The following CNTRL variants were observed in gnomAD, a reference collection of about 807,000 sequenced individuals.
CNTRL encodes the protein centriolin, also known as 110 kDa centrosomal protein.
Under a neutral mutation model 303.7 loss-of-function variants are expected in CNTRL, and 233 were observed. That is an observed-to-expected ratio of 0.77 (90% CI 0.69 to 0.86). The LOEUF (loss-of-function observed/expected upper bound fraction) is 0.86. Among genes scored for constraint, CNTRL ranks in the 40% least tolerant of loss-of-function variants. CNTRL has a pLI of 0.00. For synonymous variants in CNTRL, 900 were observed against 922.2 expected, an observed-to-expected ratio of 0.98 and a Z score of 0.44; for missense variants, 2,524 against 2,650.6, an observed-to-expected ratio of 0.95 and a Z score of 1.05.
intron 11 of CNTRL, among the ~76,000 whole-genome samples, chr9:121,117,122 T>C (rs892373941): frequency 1.3e-5 from 2 of 152,228 alleles, no homozygotes; most frequent in Non-Finnish European, 2.9e-5. Context: ...TTGTTTATAC[T>C]GTTCACTTAC....
chr9:121,153,073 A>G (rs916216395), intron 26 of CNTRL, among the ~76,000 whole-genome samples: 7 of 152,152 alleles, frequency 4.6e-5, no homozygotes, highest in Non-Finnish European at 7.3e-5. Context: ...CTGTGCTTCC[A>G]GTTGGTCTCT....
intron 34 of CNTRL, among the ~76,000 whole-genome samples, chr9:121,163,319 CAA>C (rs56957428): frequency 4.2e-5 from 6 of 143,130 alleles, no homozygotes; most frequent in Non-Finnish European, 7.5e-5. Context: ...GACCCTGTTT[CAA>C]AAAAAAAATA....
At chr9:121,167,455 T>C (rs2053141019) in intron 36 of CNTRL, 34 bp from the exon 37 acceptor site, 3 of 1,586,594 alleles carry the variant, frequency 1.9e-6, no homozygotes, top group African/African-American at 1.4e-5. Flanking sequence ...AAGATGGCTT[T>C]ATTAGTAGTT....
intron 27 of CNTRL, among the ~76,000 whole-genome samples, chr9:121,156,621 G>C (rs927229920): frequency 5.9e-5 from 9 of 152,102 alleles, no homozygotes; most frequent in African/African-American, 2.2e-4. Flanking sequence ...TTAGTACAAT[G>C]GCAGACTTCA....
chr9:121,079,494 G>A (rs2048056237), intron 1 of CNTRL, among the ~76,000 whole-genome samples: 3 of 152,124 alleles, frequency 2.0e-5, no homozygotes, highest in East Asian at 1.9e-4. Context: ...ATAGTGAAAC[G>A]CTGCCTCCAA....
chr9:121,113,713 AAAT>A lies in CNTRL; in HGVS notation c.1337_1339del (p.Ile446del). On this transcript the variant is annotated inframe_deletion, in exon 10 of 44. Transcript: ENST00000373855. ...ACGCAACTGGAAGACAAAGAAAAAA[AAAT>A]AAGTGCAGGTTAAAAAAAGTTATTT... The A allele has an allele frequency of 3.3e-6, 5 of 1,534,490 alleles. No homozygotes were observed. Among genetic ancestry groups the A allele is most frequent in the Non-Finnish European group, 4.4e-6 (5 of 1,147,898 alleles).
At chr9:121,154,215 ATG>A (rs2052440506) in intron 26 of CNTRL, among the ~76,000 whole-genome samples, 1 of 151,656 alleles carries the variant, frequency 6.6e-6, no homozygotes, top group African/African-American at 2.4e-5. Flanking sequence ...TAATTTCATC[ATG>A]TTAGCCTTAA....
At chr9:121,108,078 C>T in intron 8 of CNTRL, 83 bp downstream of exon 8, 1 of 873,440 alleles carries the variant, frequency 1.1e-6, no homozygotes, top group Non-Finnish European at 1.7e-6. Flanking sequence ...ATACAACTTC[C>T]TGACCATATA....
intron 1 of CNTRL, among the ~76,000 whole-genome samples, chr9:121,076,817 T>C (rs953667209): frequency 1.3e-5 from 2 of 151,804 alleles, no homozygotes; most frequent in Non-Finnish European, 2.9e-5. Flanking sequence ...AGGAGAAGAT[T>C]AAGGAGTAAA....
intron 1 of CNTRL, among the ~76,000 whole-genome samples, chr9:121,078,652 A>C (rs1330554789): frequency 6.6e-6 from 1 of 152,206 alleles, no homozygotes; most frequent in African/African-American, 2.4e-5. Context: ...TCTGATGCCA[A>C]CTGTAAGCCT....
intron 34 of CNTRL, among the ~76,000 whole-genome samples, chr9:121,163,826 A>G (rs1238522303): frequency 1.3e-5 from 2 of 152,058 alleles, no homozygotes; most frequent in Non-Finnish European, 2.9e-5. Flanking sequence ...CACACCTATT[A>G]GAACAACAGC....
intron 26 of CNTRL, among the ~76,000 whole-genome samples, chr9:121,153,613 C>G (rs2052406185): frequency 6.6e-6 from 1 of 152,248 alleles, no homozygotes; most frequent in Non-Finnish European, 1.5e-5. Context: ...AAGGCAGTAG[C>G]TGGACCTCCA....
At chr9:121,077,623 A>G (rs1389146739) in intron 1 of CNTRL, among the ~76,000 whole-genome samples, 1 of 152,182 alleles carries the variant, frequency 6.6e-6, no homozygotes, top group Admixed American at 6.5e-5. Context: ...TAGTCTGGTG[A>G]GACCTAAAGG....
chr9:121,116,385 TA>T (rs201376118), intron 11 of CNTRL, among the ~76,000 whole-genome samples: 46 of 151,362 alleles, frequency 3.0e-4, no homozygotes, highest in Admixed American at 1.1e-3. Flanking sequence ...TTTTTATTTT[TA>T]TTTTTTTGAG....
intron 30 of CNTRL, 59 bp from the exon 31 acceptor site, chr9:121,158,796 T>G: frequency 6.8e-7 from 1 of 1,480,478 alleles, no homozygotes; most frequent in Non-Finnish European, 9.3e-7. Context: ...TATCTCCAGG[T>G]TAGCACTGAG....
intron 8 of CNTRL, 94 bp downstream of exon 8, chr9:121,108,089 A>C: frequency 2.7e-6 from 2 of 739,486 alleles, no homozygotes; most frequent in Non-Finnish European, 4.2e-6. Flanking sequence ...TGACCATATA[A>C]TGGGGAAGAT....
rs770874109 is a variant in CNTRL, at chr9:121,144,075, G to A, written c.3044G>A (p.Arg1015Gln). ...HGTVMKINQE[R>Q]AEELQEAERF... Reference sequence around the variant, plus strand: ...ACTGTTATGAAAATTAACCAGGAGCGAGCAGAGGTGAGTTCACATGTACAG... The same window carrying A: ...ACTGTTATGAAAATTAACCAGGAGCAAGCAGAGGTGAGTTCACATGTACAG... Residue 1015 changes from arginine to glutamine, a missense_variant, in exon 20 of 44, where the codon CGA (arginine) becomes CAA (glutamine). Arg to Gln is a conservative substitution (Grantham distance 43). Coordinates refer to ENST00000373855, the MANE Select transcript of CNTRL (RefSeq NM_007018.6). 4.4e-5 allele frequency: 71 copies of A among 1,607,262 alleles called. No homozygotes were observed. In the East Asian group the frequency reaches 1.4e-3, roughly 31 times the overall value.
chr9:121,152,393 C>G, intron 25 of CNTRL, 92 bp from the exon 26 acceptor site: 1 of 1,078,558 alleles, frequency 9.3e-7, no homozygotes, highest in Non-Finnish European at 1.4e-6. Context: ...ATTGATACCA[C>G]TTTAACCACA....
intron 12 of CNTRL, among the ~76,000 whole-genome samples, chr9:121,122,149 G>GAATTATAAA (rs1177399703): frequency 6.6e-6 from 1 of 152,108 alleles, no homozygotes; most frequent in Non-Finnish European, 1.5e-5. Context: ...AGGTTTTGGT[G>GAATTATAAA]GAATTTTTAA....
Sources: allele counts gnomAD v4.1 joint callset (sites outside exome capture counted in the v4.1 genomes callset), GRCh38; gene constraint gnomAD v4.1.1; transcripts MANE v1.5; gene names NCBI Gene and HGNC (gene_info 2026-07-23, HGNC 2026-07-21).